The following TBC1D21 variants were observed in gnomAD, a reference collection of about 807,000 sequenced individuals.
TBC1D21 encodes the protein male germ cell Rab GTPase-activating protein.
A neutral mutation model predicts 46.0 loss-of-function variants in TBC1D21; 38 were observed. The observed-to-expected ratio is 0.83, with a 90% CI of 0.64 to 1.08. The LOEUF is 1.08. TBC1D21 is among the 50% of genes least tolerant of loss of function. TBC1D21 has a pLI of 0.00. For missense variants in TBC1D21, 415 were observed against 417.9 expected, an observed-to-expected ratio of 0.99 and a Z score of 0.06; for synonymous variants, 151 against 157.2, an observed-to-expected ratio of 0.96 and a Z score of 0.29.
chr15:73,908,503 C>G, the TBC1D21 span: 1 of 152,398 alleles, frequency 6.6e-6, no homozygotes, highest in South Asian at 2.1e-4. Context: ...GCAGCCCTCT[C>G]CAACCTAGCC....
At chr15:73,885,866 A>G (rs1429983060) in intron 6 of TBC1D21, among the ~76,000 whole-genome samples, 2 of 151,868 alleles carry the variant, frequency 1.3e-5, no homozygotes, top group Non-Finnish European at 2.9e-5. Flanking sequence ...GAGGCGTACA[A>G]CATATACAGA....
At chr15:73,878,288 G>A (rs532159495) in intron 1 of TBC1D21, among the ~76,000 whole-genome samples, 4 of 152,274 alleles carry the variant, frequency 2.6e-5, no homozygotes, top group South Asian at 4.1e-4. Flanking sequence ...AAATGAGTGG[G>A]TGTGGCTGTA....
intron 3 of TBC1D21, among the ~76,000 whole-genome samples, chr15:73,882,181 G>A (rs566423515): frequency 2.0e-4 from 31 of 152,144 alleles, no homozygotes; most frequent in African/African-American, 6.7e-4. Flanking sequence ...GTTTCCTCCC[G>A]GTGCCCAGGG....
Position 73,889,087 on chromosome 15 carries a change from G to A in TBC1D21, c.997G>A (p.Asp333Asn). Residue 333 changes from aspartate to asparagine, a missense_variant, in exon 11 of 11, where the codon GAT becomes AAT. Transcript: ENST00000300504. ...IQKDVPQTLK[D>N]FFL is the part of the protein sequence containing the mutation. ...TCCCTAGGTTCCTCAGACATTAAAG[G>A]ATTTCTTCCTCTGAGGACACCAAAG... 2 of 1,613,318 alleles carry A rather than the reference G, an allele frequency of 1.2e-6. No individual in the cohort carries two copies. The highest frequency in any genetic ancestry group is 1.7e-6 in the Non-Finnish European group (2 of 1,179,730).
At chr15:73,905,397 A>T in the TBC1D21 span, among the ~76,000 whole-genome samples, 6 of 152,124 alleles carry the variant, frequency 3.9e-5, no homozygotes, top group African/African-American at 1.4e-4. Context: ...TCTTAAATCA[A>T]CCTGAGAAAG....
chr15:73,885,704 C>G (rs528783300), intron 6 of TBC1D21, among the ~76,000 whole-genome samples: 11 of 151,916 alleles, frequency 7.2e-5, no homozygotes, highest in Non-Finnish European at 1.5e-4. Flanking sequence ...TGCTTGCTGC[C>G]CTTCCCTTGT....
chr15:73,904,310 C>T, the TBC1D21 span, among the ~76,000 whole-genome samples: 2 of 152,198 alleles, frequency 1.3e-5, no homozygotes, highest in Admixed American at 6.5e-5. Flanking sequence ...GTGCACTCTC[C>T]CCAGCCCCCG....
chr15:73,898,880 AATATAT>A, the TBC1D21 span, among the ~76,000 whole-genome samples: 15 of 56,804 alleles, frequency 2.6e-4, 1 homozygote, highest in East Asian at 1.5e-3. Context: ...AAAAAAAAAA[AATATAT>A]ATATATATAT....
the TBC1D21 span, among the ~76,000 whole-genome samples, chr15:73,899,391 C>G: frequency 6.6e-6 from 1 of 152,174 alleles, no homozygotes; most frequent in African/African-American, 2.4e-5. Flanking sequence ...TCCTCAAATC[C>G]AGTCCTCCGG....
At chr15:73,888,582 T>TCCTCCTCCTCCTCCTCC (rs2068297828) in intron 10 of TBC1D21, 69 bp downstream of exon 10, 2 of 823,856 alleles carry the variant, frequency 2.4e-6, no homozygotes, top group Middle Eastern at 3.2e-4. Context: ...CCTCCTCCTC[T>TCCTCCTCCTCCTCCTCC]TCCTCCTCCT....
intron 4 of TBC1D21, 25 bp downstream of exon 4, chr15:73,884,270 C>T: frequency 6.2e-7 from 1 of 1,606,296 alleles, no homozygotes; most frequent in East Asian, 2.2e-5. Context: ...GTGGAGAGGG[C>T]TGGGCAGAGG....
chr15:73,885,157 C>T, intron 6 of TBC1D21, 54 bp downstream of exon 6: 1 of 1,492,526 alleles, frequency 6.7e-7, no homozygotes, highest in Non-Finnish European at 9.3e-7. Flanking sequence ...CCACTACTCC[C>T]CAAACAACTC....
At chr15:73,898,665 A>G in the TBC1D21 span, among the ~76,000 whole-genome samples, 2 of 151,420 alleles carry the variant, frequency 1.3e-5, no homozygotes, top group African/African-American at 2.4e-5. Context: ...GGTGTTCAAG[A>G]CCAGCCTGGC....
chr15:73,891,110 G>C (rs1487741678), downstream of TBC1D21, among the ~76,000 whole-genome samples: 1 of 152,216 alleles, frequency 6.6e-6, no homozygotes, highest in African/African-American at 2.4e-5. Flanking sequence ...CCAGCAGACT[G>C]TAGATTAGGA....
downstream of TBC1D21, among the ~76,000 whole-genome samples, chr15:73,893,619 C>T (rs2068353801): frequency 1.3e-5 from 2 of 152,328 alleles, no homozygotes; most frequent in South Asian, 4.1e-4. Context: ...TGCACAGAGG[C>T]ACCGTGGATA....
chr15:73,876,605 CAGGT>C (rs2068073902), intron 1 of TBC1D21, among the ~76,000 whole-genome samples: 1 of 152,050 alleles, frequency 6.6e-6, no homozygotes, highest in South Asian at 2.1e-4. Context: ...CCAATTGTTA[CAGGT>C]AGAGGTTTAG....
intron 1 of TBC1D21, among the ~76,000 whole-genome samples, chr15:73,879,389 T>G (rs185318969): frequency 4.0e-5 from 6 of 150,530 alleles, no homozygotes; most frequent in East Asian, 2.0e-4. Flanking sequence ...TTGTTTTTTG[T>G]TTTTTTTTAG....
chr15:73,890,245 T>A (rs1424282154), downstream of TBC1D21, among the ~76,000 whole-genome samples: 1 of 152,156 alleles, frequency 6.6e-6, no homozygotes. Context: ...ATGTCCCCAA[T>A]GAGTGCTTGG....
intron 7 of TBC1D21, 58 bp from the exon 8 acceptor site, chr15:73,886,454 T>A (rs960801560): frequency 6.7e-7 from 1 of 1,494,192 alleles, no homozygotes; most frequent in Non-Finnish European, 9.3e-7. Context: ...CATCTGCATG[T>A]GTTTGCTGCA....
Sources: allele counts gnomAD v4.1 joint callset (sites outside exome capture counted in the v4.1 genomes callset), GRCh38; gene constraint gnomAD v4.1.1; transcripts MANE v1.5; gene names NCBI Gene and HGNC (gene_info 2026-07-23, HGNC 2026-07-21).